The following NR1I3 variants were observed in gnomAD, a reference collection of about 807,000 sequenced individuals.
NR1I3 encodes the protein constitutive activator of retinoid response.
In NR1I3, 30 loss-of-function variants were observed where a neutral mutation model predicts 38.4. That is an observed-to-expected ratio of 0.78 (90% CI 0.58 to 1.06). NR1I3 has a LOEUF of 1.06. Among genes scored for constraint, NR1I3 ranks in the 50% least tolerant of loss-of-function variants. NR1I3 has a pLI of 0.00. For missense variants in NR1I3, 388 were observed against 435.7 expected (o/e 0.89, Z 0.97); for synonymous variants, 143 against 165.1 (o/e 0.87, Z 1.03).
intron 6 of NR1I3, 26 bp from the exon 7 acceptor site, chr1:161,231,259 C>G: frequency 1.9e-6 from 3 of 1,613,924 alleles, no homozygotes; most frequent in Non-Finnish European, 2.5e-6. Flanking sequence ...GGATTAGGAG[C>G]CTCTAGGTCA....
rs762782589 is a variant in NR1I3, at chr1:161,238,173, A to G, written c.-166T>C. 2.7e-5 allele frequency: 43 copies of G among 1,570,728 alleles called. No homozygotes were observed. The highest frequency in any genetic ancestry group is 8.6e-5 in the Admixed American group (5 of 58,298). On this transcript the variant is annotated 5_prime_UTR_variant, in exon 1 of 9. Coordinates refer to ENST00000367983, the MANE Select transcript of NR1I3 (RefSeq NM_005122.5). The stretch of plus-strand genomic sequence containing the variant: ...CCAGTGATTGGAGTTAGGGATTATG[A>G]CCCGTAGTATCTGGAAAACAAGAGA...
rs1050018923 is a variant in NR1I3, at chr1:161,231,108, G to A, written c.811+9C>T. Reference sequence around the variant, plus strand: ...CAGCAAAAGGCTCTGGGCTTTGGGAGGTGCTCACCAGGAGAGAAGAGGGCC... The same window carrying A: ...CAGCAAAAGGCTCTGGGCTTTGGGAAGTGCTCACCAGGAGAGAAGAGGGCC... On this transcript the variant is annotated intron_variant, in intron 7 of 8. Transcript: ENST00000367983. 6.2e-7 allele frequency: 1 copy of A among 1,614,144 alleles called. No individual in the cohort carries two copies. The highest frequency in any genetic ancestry group is 2.2e-5 in the East Asian group (1 of 44,880).
intron 3 of NR1I3, 83 bp downstream of exon 3, chr1:161,235,764 G>A: frequency 1.9e-6 from 3 of 1,562,830 alleles, no homozygotes; most frequent in Admixed American, 3.4e-5. Flanking sequence ...TACTGTGCCT[G>A]CTATGTAGAG....
In NR1I3 at chr1:161,231,192, G is replaced by A. The variant is rs748454600; in HGVS notation, c.736C>T (p.His246Tyr). 1 of 1,614,114 alleles carries A rather than the reference G, an allele frequency of 6.2e-7. No homozygotes were observed. Among genetic ancestry groups the A allele is most frequent in the South Asian group, 1.1e-5 (1 of 91,082 alleles). Residue 246 changes from histidine (H) to tyrosine (Y), a missense_variant, in exon 7 of 9, where the codon CAT becomes TAT. By Grantham distance (83) the His-to-Tyr change is moderately conservative. Coordinates refer to ENST00000367983, the MANE Select transcript of NR1I3 (RefSeq NM_005122.5). ...VEFLELLFHF[H>Y]GTLRKLQLQE... ...AGCTGCAGTTTTCGTAGTGTTCCAT[G>A]GAAGTGAAAGAGCAACTCCAAAAAC...
chr1:161,231,031 G>C, intron 7 of NR1I3, 86 bp downstream of exon 7: 1 of 1,613,234 alleles, frequency 6.2e-7, no homozygotes, highest in South Asian at 1.1e-5. Context: ...AGCTAGGCTA[G>C]AAGGCCTGGG....
intron 3 of NR1I3, among the ~76,000 whole-genome samples, chr1:161,234,284 T>C (rs985838496): frequency 6.6e-6 from 1 of 151,980 alleles, no homozygotes; most frequent in African/African-American, 2.4e-5. Flanking sequence ...ATTACAGGCG[T>C]GAGCCACTGC....
In NR1I3 at chr1:161,236,566, G is replaced by T. The variant is rs1668638251; in HGVS notation, c.-1C>A. The T allele has an allele frequency of 1.9e-6, 3 of 1,613,960 alleles. No homozygotes were observed. Among genetic ancestry groups the T allele is most frequent in the African/African-American group, 1.3e-5 (1 of 74,904 alleles). On this transcript the variant is annotated 5_prime_UTR_variant, in exon 2 of 9. Coordinates refer to ENST00000367983, the MANE Select transcript of NR1I3 (RefSeq NM_005122.5). ...TCAGCTCATCTTCCCTACTGGCCAT[G>T]ACGTCACGTGTTGGGGTGGCTGTCA...
At chr1:161,233,453 G>A in intron 3 of NR1I3, 115 bp from the exon 4 acceptor site, 1 of 1,110,962 alleles carries the variant, frequency 9.0e-7, no homozygotes. Context: ...TGGGGGCAGT[G>A]GGGGGAATTC....
chr1:161,237,981 G>T, intron 1 of NR1I3, 60 bp downstream of exon 1: 1 of 1,508,650 alleles, frequency 6.6e-7, no homozygotes, highest in Non-Finnish European at 9.2e-7. Flanking sequence ...ACTATGCCTA[G>T]CCCCCAGCAT....
intron 2 of NR1I3, 182 bp from the exon 3 acceptor site, chr1:161,236,159 C>G (rs1571750049): frequency 1.4e-6 from 1 of 720,926 alleles, no homozygotes; most frequent in East Asian, 2.7e-5. Context: ...CACAGGATCA[C>G]TCCAGAAAGC....
Position 161,231,507 on chromosome 1 carries a change from AT to A in NR1I3, c.549-34del, listed in dbSNP as rs111679990. ...AAGCAGGAAACAAGGACACTTTTCA[AT>A]TTTTTTTTTTCTGAGACAGAGTCTC... On this transcript the variant is annotated intron_variant, in intron 5 of 8. Transcript: ENST00000367983. 18,307 of 1,233,500 alleles carry A rather than the reference AT, an allele frequency of 0.015. 973 individuals carry two copies. In the African/African-American group the frequency reaches 0.18, roughly 12 times the overall value. 76.4% of individuals were successfully genotyped at this position (1,233,500 alleles called of 1,614,324 possible).
rs369446796 is a variant in NR1I3, at chr1:161,232,915, G to C, written c.440C>G (p.Pro147Arg). The C allele has an allele frequency of 1.4e-5, 23 of 1,614,106 alleles. No individual in the cohort carries two copies. The African/African-American group carries it at 2.4e-4, about 17-fold the overall frequency. The change falls in exon 5 of 9, where the codon CCC (proline) becomes CGC (arginine). Residue 147 changes from proline to arginine, a missense_variant. Physicochemically the swap from Pro to Arg is moderately radical, Grantham distance 103 (BLOSUM62 -2). Transcript: ENST00000367983. ...PPAHLFIHHQ[P>R]LPTLAPVLPL... ...CAGCACAGGGGCCAGGGTGGGCAAG[G>C]GCTGGTGATGGATGAACAGATGAGC...
chr1:161,233,833 ATATATGTGTGTGTGTGTGTG>A (rs1352231235), intron 3 of NR1I3, among the ~76,000 whole-genome samples: 20 of 110,644 alleles, frequency 1.8e-4, no homozygotes, highest in African/African-American at 7.3e-4. Context: ...TTCATCATAT[ATATATGTGTGTGTGTGTGTG>A]TGTGTGTGTG....
chr1:161,231,680 T>C (rs1482696645), intron 5 of NR1I3, among the ~76,000 whole-genome samples: 1 of 152,046 alleles, frequency 6.6e-6, no homozygotes, highest in Non-Finnish European at 1.5e-5. Flanking sequence ...TTTTGTATTT[T>C]TAGTAGAGAC....
intron 3 of NR1I3, 114 bp downstream of exon 3, chr1:161,235,733 T>C: frequency 7.3e-7 from 1 of 1,361,812 alleles, no homozygotes; most frequent in Non-Finnish European, 1.0e-6. Flanking sequence ...AGTGACATAA[T>C]CCAACTAGTT....
At position 161,238,039 on chromosome 1, in the gene NR1I3, A is replaced by G. The variant is rs1430772921; in HGVS notation, c.-34+2T>C. The G allele has an allele frequency of 1.2e-6, 2 of 1,613,254 alleles. No homozygotes were observed. Among genetic ancestry groups the G allele is most frequent in the Non-Finnish European group, 1.7e-6 (2 of 1,179,384 alleles). ...GTCTTTGGTCCCCAACAGATTTCCTACCTGCTTCTCTTAGGCAGCATGTCA... is the reference window on the plus strand; with the variant it reads ...GTCTTTGGTCCCCAACAGATTTCCTGCCTGCTTCTCTTAGGCAGCATGTCA... On this transcript the variant is annotated splice_donor_variant, in intron 1 of 8. Transcript: ENST00000367983. LOFTEE classifies it low-confidence loss of function (5UTR_SPLICE).
Position 161,233,835 on chromosome 1 carries a change from ATATGTGTGTG to A in NR1I3, c.239-507_239-498del, listed in dbSNP as rs1175918171. On this transcript the variant is annotated intron_variant, in intron 3 of 8. Coordinates refer to ENST00000367983, the MANE Select transcript of NR1I3 (RefSeq NM_005122.5). ...GGCAGGGCTGGTATTCATCATATATATATGTGTGTGTGTGTGTGTGTGTGTGTGTGTGTGT... is the reference window on the plus strand; with the variant it reads ...GGCAGGGCTGGTATTCATCATATATATGTGTGTGTGTGTGTGTGTGTGTGT... Among the ~76,000 whole-genome samples, 78 of 94,998 alleles carry A rather than the reference ATATGTGTGTG, an allele frequency of 8.2e-4. 1 individual carries two copies. In the East Asian group the frequency reaches 0.011, roughly 14 times the overall value. 62.3% of individuals were successfully genotyped at this position (94,998 alleles called of 152,430 possible). A position where few individuals can be genotyped will look rare whatever the true frequency, so the allele number is the denominator to read the frequency against.
intron 3 of NR1I3, among the ~76,000 whole-genome samples, chr1:161,234,174 T>G (rs1668101820): frequency 6.6e-6 from 1 of 150,400 alleles, no homozygotes; most frequent in Non-Finnish European, 1.5e-5. Context: ...TTTTTTTTTT[T>G]GTATTTTTAG....
At position 161,229,756 on chromosome 1, in the gene NR1I3, A is replaced by C; in HGVS notation, c.*41T>G. On this transcript the variant is annotated 3_prime_UTR_variant, in exon 9 of 9. Coordinates refer to ENST00000367983, the MANE Select transcript of NR1I3 (RefSeq NM_005122.5). ...AGCATTTTCCCACTCCAGTGTATCC[A>C]GGGTGTTCCAGGTGAGCTGGGGAAG... 1 of 1,614,188 alleles carries C rather than the reference A, an allele frequency of 6.2e-7. No individual in the cohort carries two copies. The highest frequency in any genetic ancestry group is 8.5e-7 in the Non-Finnish European group (1 of 1,180,044).
Sources: gnomAD v4.1 joint callset for allele counts (sites outside exome capture counted in the v4.1 genomes callset) on GRCh38, gnomAD v4.1.1 for gene constraint, MANE v1.5 for transcripts, NCBI Gene and HGNC (gene_info 2026-07-23, HGNC 2026-07-21) for gene names.